Variants in IFT57 observed in about 807,000 individuals in gnomAD.
IFT57 encodes the protein intraflagellar transport 57.
In IFT57, 59 loss-of-function variants were observed where a neutral mutation model predicts 56.8. The ratio of observed to expected loss-of-function variants is 1.04; its 90% CI spans 0.84 to 1.29. IFT57 has a LOEUF of 1.29. Ranked by LOEUF, IFT57 falls within the 50% of genes most tolerant of loss-of-function variation. The probability of loss-of-function intolerance (pLI) is 0.00; values close to 1 mark genes in which losing one functional copy is unlikely to be tolerated. For missense variants in IFT57, 470 were observed against 522.1 expected, an observed-to-expected ratio of 0.90 and a Z score of 0.97; for synonymous variants, 209 against 186.1, an observed-to-expected ratio of 1.12 and a Z score of -1.00.
rs919811907 is a variant in IFT57 at position 108,190,895 on chromosome 3, C to T, written c.777+626G>A. ...GCAACCTCTGCCTCCTGGGTTCAAA[C>T]GATTCTCCTGCCTCAGCCTCCTGAG... On this transcript the variant is annotated intron_variant, in intron 6 of 10. Coordinates refer to ENST00000264538, the MANE Select transcript of IFT57 (RefSeq NM_018010.4). Among the ~76,000 whole-genome samples the T allele has an allele frequency of 4.6e-5, 7 of 152,120 alleles. No homozygotes were observed. The East Asian group carries it at 5.8e-4, about 13-fold the overall frequency.
At chr3:108,211,289 T>A (rs2080341399) in intron 4 of IFT57, among the ~76,000 whole-genome samples, 1 of 152,228 alleles carries the variant, frequency 6.6e-6, no homozygotes, top group East Asian at 1.9e-4. Context: ...AAATAGTTAT[T>A]AAGACGACAA....
intron 3 of IFT57, among the ~76,000 whole-genome samples, chr3:108,216,747 T>C (rs1490187974): frequency 2.6e-5 from 4 of 152,180 alleles, no homozygotes; most frequent in African/African-American, 7.2e-5. Context: ...AAAGGTTGAA[T>C]AGAAAATGTG....
At chr3:108,188,583 T>G (rs1222501866) in intron 6 of IFT57, among the ~76,000 whole-genome samples, 2 of 152,216 alleles carry the variant, frequency 1.3e-5, no homozygotes, top group Non-Finnish European at 2.9e-5. Context: ...ATCTGATATT[T>G]TGGAATGCTG....
chr3:108,187,305 C>T (rs2080189398), intron 6 of IFT57, among the ~76,000 whole-genome samples: 1 of 152,096 alleles, frequency 6.6e-6, no homozygotes, highest in Admixed American at 6.6e-5. Context: ...GCAATAGTAG[C>T]AAGTGGTGCC....
At chr3:108,185,925 GC>G (rs1467301470) in intron 6 of IFT57, among the ~76,000 whole-genome samples, 1 of 152,058 alleles carries the variant, frequency 6.6e-6, no homozygotes, top group Non-Finnish European at 1.5e-5. Flanking sequence ...GTAAGGGACT[GC>G]CCTTTAAAGT....
At chr3:108,204,600 AT>A (rs1280151254) in intron 5 of IFT57, among the ~76,000 whole-genome samples, 3 of 152,240 alleles carry the variant, frequency 2.0e-5, no homozygotes, top group African/African-American at 7.2e-5. Flanking sequence ...AACTGTGTGC[AT>A]CTCTACTTTT....
At position 108,195,273 on chromosome 3, in the gene IFT57, G is replaced by T. The variant is rs111600007; in HGVS notation, c.655-3630C>A. On this transcript the variant is annotated intron_variant, in intron 5 of 10. Coordinates refer to ENST00000264538, the MANE Select transcript of IFT57 (RefSeq NM_018010.4). ...AGAGAAATGCGAACCAAAACCACAA[G>T]ATACCATTTTACCTCAGTTAAAATG... 5.9e-5 allele frequency among the ~76,000 whole-genome samples: 9 copies of T among 152,106 alleles called. 1 individual carries two copies. Among genetic ancestry groups the T allele is most frequent in the African/African-American group, 1.9e-4 (8 of 41,522 alleles).
chr3:108,171,293 C>A (rs1006002413), intron 6 of IFT57, among the ~76,000 whole-genome samples: 1 of 151,858 alleles, frequency 6.6e-6, no homozygotes, highest in African/African-American at 2.4e-5. Context: ...GGGGCACACC[C>A]AAGGCCACAT....
At chr3:108,215,887 C>CA (rs1261508666) in intron 3 of IFT57, among the ~76,000 whole-genome samples, 1 of 151,692 alleles carries the variant, frequency 6.6e-6, no homozygotes, top group Non-Finnish European at 1.5e-5. Flanking sequence ...TGCTAAAAAA[C>CA]AAAAAAAGAA....
At chr3:108,201,626 A>G (rs1014017939) in intron 5 of IFT57, among the ~76,000 whole-genome samples, 1 of 152,206 alleles carries the variant, frequency 6.6e-6, no homozygotes, top group African/African-American at 2.4e-5. Flanking sequence ...AAAGCAGAGG[A>G]AAAAAACATT....
At chr3:108,213,104 T>G (rs868720860) in intron 4 of IFT57, among the ~76,000 whole-genome samples, 1 of 152,290 alleles carries the variant, frequency 6.6e-6, no homozygotes. Flanking sequence ...TTACTTTTAG[T>G]GTAAGAATAC....
intron 5 of IFT57, among the ~76,000 whole-genome samples, chr3:108,196,474 C>A (rs754292146): frequency 2.6e-5 from 4 of 152,150 alleles, no homozygotes; most frequent in Non-Finnish European, 5.9e-5. Flanking sequence ...TTGAACTAGA[C>A]CTAGAATCTG....
chr3:108,199,495 T>C (rs980930989), intron 5 of IFT57, among the ~76,000 whole-genome samples: 1 of 152,140 alleles, frequency 6.6e-6, no homozygotes, highest in African/African-American at 2.4e-5. Flanking sequence ...GAAAAGAGTC[T>C]AGGGGCTTAA....
intron 6 of IFT57, among the ~76,000 whole-genome samples, chr3:108,172,181 A>T (rs1241444393): frequency 6.6e-6 from 1 of 151,880 alleles, no homozygotes; most frequent in Non-Finnish European, 1.5e-5. Context: ...TGGAACCTCG[A>T]AGCATGAGTA....
intron 6 of IFT57, among the ~76,000 whole-genome samples, chr3:108,173,858 A>C (rs1003588677): frequency 1.4e-5 from 2 of 144,732 alleles, no homozygotes; most frequent in Admixed American, 7.2e-5. Flanking sequence ...TAAAATGTTA[A>C]ATTCATGTTC....
intron 5 of IFT57, among the ~76,000 whole-genome samples, chr3:108,206,068 T>TA (rs372256291): frequency 4.2e-4 from 45 of 108,288 alleles, no homozygotes; most frequent in East Asian, 2.5e-3. Flanking sequence ...TTATATATAA[T>TA]AATATATTAT....
intron 5 of IFT57, among the ~76,000 whole-genome samples, chr3:108,205,364 G>A (rs1255093603): frequency 6.7e-6 from 1 of 149,752 alleles, no homozygotes; most frequent in African/African-American, 2.5e-5. Flanking sequence ...CCCAAATCTG[G>A]AATCCTAGTA....
At chr3:108,169,560 C>A in intron 6 of IFT57, among the ~76,000 whole-genome samples, 1 of 151,936 alleles carries the variant, frequency 6.6e-6, no homozygotes, top group Non-Finnish European at 1.5e-5. Context: ...AGTCTTTGCC[C>A]ATGCCTATAT....
At chr3:108,221,590 T>C (rs2080405618) in intron 1 of IFT57, among the ~76,000 whole-genome samples, 1 of 152,220 alleles carries the variant, frequency 6.6e-6, no homozygotes, top group South Asian at 2.1e-4. Flanking sequence ...ACTAACCGCA[T>C]TTAAAGTGCT....
Sources: gnomAD v4.1 joint callset for allele counts (sites outside exome capture counted in the v4.1 genomes callset) on GRCh38, gnomAD v4.1.1 for gene constraint, MANE v1.5 for transcripts, NCBI Gene and HGNC (gene_info 2026-07-23, HGNC 2026-07-21) for gene names.